The following FGGY variants were observed in gnomAD, a reference collection of about 807,000 sequenced individuals.
FGGY encodes the protein FGGY carbohydrate kinase domain-containing protein.
In FGGY, 72 loss-of-function variants were observed where a neutral mutation model predicts 71.3. The observed-to-expected ratio is 1.01, with a 90% CI of 0.84 to 1.23. FGGY has a LOEUF of 1.23. Ranked by LOEUF, FGGY falls within the 50% of genes most tolerant of loss-of-function variation. The pLI is 0.00. For missense variants in FGGY, 668 were observed against 682.3 expected (o/e 0.98, Z 0.23); for synonymous variants, 251 against 250.3 (o/e 1.00, Z -0.02).
chr1:59,487,592 A>T (rs1183091885), intron 6 of FGGY, among the ~76,000 whole-genome samples: 1 of 152,204 alleles, frequency 6.6e-6, no homozygotes, highest in African/African-American at 2.4e-5. Flanking sequence ...CTCAGCATTA[A>T]GATCTGTAGT....
chr1:59,615,103 C>G (rs1437395695), intron 9 of FGGY, among the ~76,000 whole-genome samples: 1 of 152,098 alleles, frequency 6.6e-6, no homozygotes, highest in East Asian at 1.9e-4. Context: ...CAATGCCATC[C>G]CCATCAAGCT....
chr1:59,466,735 G>A (rs947814877), intron 6 of FGGY, among the ~76,000 whole-genome samples: 5 of 152,212 alleles, frequency 3.3e-5, no homozygotes, highest in South Asian at 4.1e-4. Flanking sequence ...CATTTATGCA[G>A]CCAACAGACA....
At chr1:59,497,876 A>G (rs114173388) in intron 6 of FGGY, among the ~76,000 whole-genome samples, 157 of 151,712 alleles carry the variant, frequency 1.0e-3, no homozygotes, top group African/African-American at 3.6e-3. Context: ...ATACTCTCAC[A>G]CTGCTGCCCC....
intron 7 of FGGY, among the ~76,000 whole-genome samples, chr1:59,542,264 T>C (rs1558287842): frequency 2.0e-5 from 3 of 152,068 alleles, no homozygotes; most frequent in Non-Finnish European, 4.4e-5. Context: ...GGACAGAGAT[T>C]ACATTTTTTT....
At position 59,342,166 on chromosome 1, in the gene FGGY, T is replaced by C. The variant is rs143518947; in HGVS notation, c.313+2097T>C. ...GCATTAGTATCAACTGGAGATCTTT[T>C]TAAAAATTGCCAATTCATGAGCCCT... On this transcript the variant is annotated intron_variant, in intron 3 of 15. Coordinates refer to ENST00000303721, the MANE Select transcript of FGGY (RefSeq NM_018291.5). 2.3e-3 allele frequency among the ~76,000 whole-genome samples: 344 copies of C among 152,320 alleles called. 2 individuals are homozygous for C. Among genetic ancestry groups the C allele is most frequent in the African/African-American group, 8.0e-3 (333 of 41,582 alleles).
chr1:59,590,222 C>G (rs547043945), intron 8 of FGGY, among the ~76,000 whole-genome samples: 3 of 152,148 alleles, frequency 2.0e-5, no homozygotes, highest in Non-Finnish European at 2.9e-5. Context: ...CATACACCCT[C>G]CCAAGCCTAA....
intron 7 of FGGY, among the ~76,000 whole-genome samples, chr1:59,522,702 G>A (rs1056659091): frequency 2.0e-5 from 3 of 152,142 alleles, no homozygotes; most frequent in Admixed American, 6.5e-5. Flanking sequence ...AATAGGGAAG[G>A]TATTTTTACC....
chr1:59,678,477 A>G (rs2097458412), intron 14 of FGGY, among the ~76,000 whole-genome samples: 1 of 152,264 alleles, frequency 6.6e-6, no homozygotes, highest in Non-Finnish European at 1.5e-5. Context: ...AAATATCACT[A>G]TGCTTACACT....
chr1:59,498,870 TC>T (rs2094131233), intron 6 of FGGY, among the ~76,000 whole-genome samples: 3 of 152,216 alleles, frequency 2.0e-5, no homozygotes, highest in Admixed American at 6.5e-5. Flanking sequence ...CTTGGCAAAT[TC>T]CACTCCTCCC....
chr1:59,397,783 C>G (rs1370786615), intron 5 of FGGY, among the ~76,000 whole-genome samples: 1 of 152,170 alleles, frequency 6.6e-6, no homozygotes, highest in African/African-American at 2.4e-5. Flanking sequence ...AGCATTTTTA[C>G]TTTTTACCCT....
intron 6 of FGGY, among the ~76,000 whole-genome samples, chr1:59,507,878 G>A (rs763077010): frequency 4.1e-4 from 63 of 152,082 alleles, no homozygotes; most frequent in Non-Finnish European, 6.6e-4. Flanking sequence ...TTACAGTCGT[G>A]CCCCTCTGGG....
intron 4 of FGGY, among the ~76,000 whole-genome samples, chr1:59,373,655 T>C (rs1413366782): frequency 1.3e-5 from 2 of 152,154 alleles, no homozygotes; most frequent in African/African-American, 4.8e-5. Flanking sequence ...GACTTCAAAC[T>C]ATACTACAAG....
intron 6 of FGGY, among the ~76,000 whole-genome samples, chr1:59,500,731 G>A (rs1461828898): frequency 6.7e-6 from 1 of 149,590 alleles, no homozygotes; most frequent in Non-Finnish European, 1.5e-5. Context: ...GATGAAATGT[G>A]TGCTTTTCAA....
chr1:59,358,056 A>G (rs1489948499), intron 4 of FGGY, among the ~76,000 whole-genome samples: 1 of 152,246 alleles, frequency 6.6e-6, no homozygotes, highest in Non-Finnish European at 1.5e-5. Context: ...CGATCTTTAT[A>G]GAAACAACAC....
At chr1:59,661,018 G>A (rs574375240) in intron 12 of FGGY, among the ~76,000 whole-genome samples, 56 of 152,274 alleles carry the variant, frequency 3.7e-4, no homozygotes, top group Non-Finnish European at 5.9e-5. Context: ...GTATGTAACC[G>A]AAATTAAGTT....
rs576499574 is a variant in FGGY at position 59,379,736 on chromosome 1, A to G, written c.554+899A>G. Among the ~76,000 whole-genome samples the G allele has an allele frequency of 6.6e-5, 10 of 152,230 alleles. No individual in the cohort carries two copies. The East Asian group carries it at 1.9e-3, about 29-fold the overall frequency. On this transcript the variant is annotated intron_variant, in intron 5 of 15. Coordinates refer to ENST00000303721, the MANE Select transcript of FGGY (RefSeq NM_018291.5). ...TTTTTTGTAATAACACTTATCTTAA[A>G]ACACAAACACATTATACAGCTGTAC...
intron 5 of FGGY, among the ~76,000 whole-genome samples, chr1:59,403,833 A>G (rs1021185097): frequency 1.3e-5 from 2 of 152,108 alleles, no homozygotes; most frequent in African/African-American, 4.8e-5. Flanking sequence ...TCTCTGCTTC[A>G]CACCTCTGTG....
At chr1:59,419,706 A>G (rs2065078433) in intron 5 of FGGY, among the ~76,000 whole-genome samples, 1 of 152,162 alleles carries the variant, frequency 6.6e-6, no homozygotes. Flanking sequence ...ATGAACTACT[A>G]ATTGATGATT....
intron 8 of FGGY, among the ~76,000 whole-genome samples, chr1:59,595,729 CTATT>C (rs1005895399): frequency 7.2e-5 from 11 of 152,026 alleles, no homozygotes; most frequent in Non-Finnish European, 1.3e-4. Flanking sequence ...ACCACAATCT[CTATT>C]TAAGCCACTC....
Sources: allele counts gnomAD v4.1 joint callset (sites outside exome capture counted in the v4.1 genomes callset), GRCh38; gene constraint gnomAD v4.1.1; transcripts MANE v1.5; gene names NCBI Gene and HGNC (gene_info 2026-07-23, HGNC 2026-07-21).